The following KLF17 variants were observed in gnomAD, a reference collection of about 807,000 sequenced individuals.
KLF17 encodes KLF transcription factor 17.
KLF17 carries 31 observed loss-of-function variants against 34.2 expected under a neutral mutation model. That is an observed-to-expected ratio of 0.91 (90% confidence interval 0.68 to 1.22). The LOEUF (loss-of-function observed/expected upper bound fraction) is 1.22. Among genes scored for constraint, KLF17 ranks in the 50% most tolerant of loss-of-function variants. The pLI is 0.00. For synonymous variants in KLF17, 179 were observed against 186.7 expected (o/e 0.96, Z 0.34); for missense variants, 478 against 505.2 (o/e 0.95, Z 0.52).
the KLF17 span, among the ~76,000 whole-genome samples, chr1:44,091,232 A>G: frequency 7.1e-6 from 1 of 141,336 alleles, no homozygotes; most frequent in African/African-American, 2.5e-5. Flanking sequence ...ATTTCATGAG[A>G]AGAGTGGCAT....
rs554418121 is a variant in KLF17 at position 44,120,074 on chromosome 1, G to T, written c.81+1086G>T. On this transcript the variant is annotated intron_variant, in intron 1 of 3. Transcript: ENST00000372299. Reference sequence around the variant, plus strand: ...CCGGGTGGTGAGGGAGACATCTAGAGTAACAGATTTCTTGCTTGCACAATT... The same window carrying T: ...CCGGGTGGTGAGGGAGACATCTAGATTAACAGATTTCTTGCTTGCACAATT... Among the ~76,000 whole-genome samples the T allele has an allele frequency of 1.1e-4, 17 of 152,322 alleles. No individual in the cohort carries two copies. The South Asian group carries it at 2.3e-3, about 20-fold the overall frequency.
the KLF17 span, chr1:44,103,587 A>G: frequency 6.3e-7 from 1 of 1,594,794 alleles, no homozygotes; most frequent in Non-Finnish European, 8.6e-7. Flanking sequence ...CTCGCCCTCT[A>G]GCAGCTTCCT....
At chr1:44,098,508 C>CT in the KLF17 span, among the ~76,000 whole-genome samples, 1 of 139,488 alleles carries the variant, frequency 7.2e-6, no homozygotes, top group African/African-American at 2.7e-5. Flanking sequence ...ATTTTTAAAT[C>CT]TTTTTTGTGA....
chr1:44,115,579 C>A (rs1284009186), upstream of KLF17: 1 of 150,484 alleles, frequency 6.6e-6, no homozygotes, highest in Non-Finnish European at 1.5e-5. Flanking sequence ...AAATATGTTA[C>A]TGAATTTGAA....
At chr1:44,111,190 G>T in the KLF17 span, among the ~76,000 whole-genome samples, 1 of 149,278 alleles carries the variant, frequency 6.7e-6, no homozygotes, top group South Asian at 2.1e-4. Context: ...ATGAAGAAGT[G>T]TCACTGTGTT....
the KLF17 span, among the ~76,000 whole-genome samples, chr1:44,060,771 G>C: frequency 0.084 from 12,784 of 152,202 alleles, 594 homozygotes; most frequent in Non-Finnish European, 0.11. Context: ...CATTAAAGGG[G>C]ATTCAAGAGT....
At chr1:44,064,469 A>T in the KLF17 span, among the ~76,000 whole-genome samples, 4 of 152,232 alleles carry the variant, frequency 2.6e-5, no homozygotes, top group Non-Finnish European at 5.9e-5. Flanking sequence ...TTAGGGATGC[A>T]CTAAAGCTTA....
chr1:44,107,988 G>A, the KLF17 span, among the ~76,000 whole-genome samples: 1 of 152,198 alleles, frequency 6.6e-6, no homozygotes, highest in Non-Finnish European at 1.5e-5. Context: ...ATGACTAGAA[G>A]ACGAATGAGC....
the KLF17 span, among the ~76,000 whole-genome samples, chr1:44,091,936 A>G: frequency 7.4e-6 from 1 of 134,486 alleles, no homozygotes; most frequent in Non-Finnish European, 1.6e-5. Context: ...AACCCAAAAA[A>G]CAACAACAAC....
At chr1:44,053,337 G>A in the KLF17 span, among the ~76,000 whole-genome samples, 1 of 152,182 alleles carries the variant, frequency 6.6e-6, no homozygotes, top group African/African-American at 2.4e-5. Context: ...TGTAGAACAT[G>A]TCTGGCTTAT....
intron 1 of KLF17, among the ~76,000 whole-genome samples, chr1:44,127,515 T>TTCCC (rs2088023524): frequency 1.3e-5 from 2 of 151,414 alleles, no homozygotes; most frequent in South Asian, 2.1e-4. Flanking sequence ...CCTTCCTTCC[T>TTCCC]TCCCTCCCTC....
the KLF17 span, among the ~76,000 whole-genome samples, chr1:44,069,507 AGAG>A: frequency 7.1e-6 from 1 of 141,710 alleles, no homozygotes; most frequent in Non-Finnish European, 1.5e-5. The surrounding 1 kb of genome is among the most constrained non-coding windows in gnomAD (Gnocchi z 4.7). Context: ...AGAGAGAGAG[AGAG>A]AGAAGACAGG....
chr1:44,076,913 T>TC, the KLF17 span: 1 of 150,424 alleles, frequency 6.6e-6, no homozygotes, highest in Non-Finnish European at 1.5e-5. Flanking sequence ...TTTTTTTTTT[T>TC]TCCCATAGAG....
the KLF17 span, chr1:44,103,701 G>A: frequency 6.1e-4 from 958 of 1,572,440 alleles, 6 homozygotes; most frequent in African/African-American, 0.012. Flanking sequence ...CGGCTGGAGG[G>A]CGGCCTCCAG....
At chr1:44,122,658 G>A (rs150214397) in intron 1 of KLF17, 43 of 589,724 alleles carry the variant, frequency 7.3e-5, no homozygotes, top group Middle Eastern at 2.9e-4. Context: ...GCAGTGGCAC[G>A]ATCTTGGCTC....
intron 1 of KLF17, chr1:44,122,459 T>C (rs2087959071): frequency 4.1e-6 from 5 of 1,219,586 alleles, no homozygotes; most frequent in Middle Eastern, 3.7e-4. Flanking sequence ...TGTTCTTCAA[T>C]GCAATGGTTA....
the KLF17 span, among the ~76,000 whole-genome samples, chr1:44,092,023 C>G: frequency 2.3e-5 from 3 of 133,322 alleles, no homozygotes; most frequent in Non-Finnish European, 4.7e-5. Context: ...TTAAAAAGAA[C>G]TACTGCATTA....
chr1:44,078,229 T>C, the KLF17 span, among the ~76,000 whole-genome samples: 1 of 152,206 alleles, frequency 6.6e-6, no homozygotes, highest in African/African-American at 2.4e-5. Flanking sequence ...CTTTCACATT[T>C]AGGTAGTTAC....
chr1:44,073,885 TTATAA>T, the KLF17 span, among the ~76,000 whole-genome samples: 2 of 152,190 alleles, frequency 1.3e-5, no homozygotes, highest in Admixed American at 6.5e-5. Flanking sequence ...GCACTTCTCA[TTATAA>T]TATAACAAAT....
Sources: gnomAD v4.1 joint callset for allele counts (sites outside exome capture counted in the v4.1 genomes callset) on GRCh38, gnomAD v4.1.1 for gene constraint, Gnocchi (gnomAD v3.1) non-coding constraint, MANE v1.5 for transcripts, NCBI Gene and HGNC (gene_info 2026-07-23, HGNC 2026-07-21) for gene names.